PLPPR1: variants seen among roughly 807,000 people sequenced by gnomAD.
PLPPR1 encodes phospholipid phosphatase-related protein type 1.
A neutral mutation model predicts 33.1 loss-of-function variants in PLPPR1; 10 were observed. The ratio of observed to expected loss-of-function variants is 0.30; its 90% CI spans 0.19 to 0.51. The LOEUF (loss-of-function observed/expected upper bound fraction) is 0.51. Ranked by LOEUF, PLPPR1 falls within the 20% of genes least tolerant of loss-of-function variation. The pLI is 0.97. For synonymous variants in PLPPR1, 151 were observed against 151.0 expected (o/e 1.00, Z 0.00); for missense variants, 304 against 408.1 (o/e 0.74, Z 2.20).
intron 1 of PLPPR1, among the ~76,000 whole-genome samples, chr9:101,077,703 A>C (rs948888994): frequency 1.3e-5 from 2 of 152,074 alleles, no homozygotes; most frequent in African/African-American, 2.4e-5. Flanking sequence ...CAAAGTGGGG[A>C]AAGACCTTCA....
chr9:101,306,258 T>G (rs774154868), intron 4 of PLPPR1, among the ~76,000 whole-genome samples: 2 of 152,240 alleles, frequency 1.3e-5, no homozygotes, highest in Non-Finnish European at 2.9e-5. Flanking sequence ...CGATGCCCTT[T>G]GTCCACATTT....
chr9:101,078,827 A>G (rs1022110556), intron 1 of PLPPR1, among the ~76,000 whole-genome samples: 3 of 152,180 alleles, frequency 2.0e-5, no homozygotes, highest in Admixed American at 2.0e-4. Flanking sequence ...AAAAAAAAGT[A>G]TTCTCAGTTT....
At chr9:101,142,974 T>A (rs1247276392) in intron 1 of PLPPR1, among the ~76,000 whole-genome samples, 1 of 152,130 alleles carries the variant, frequency 6.6e-6, no homozygotes, top group African/African-American at 2.4e-5. Flanking sequence ...ATAAATTTAT[T>A]GTGCAACTAG....
intron 2 of PLPPR1, among the ~76,000 whole-genome samples, chr9:101,267,428 G>A (rs1828017839): frequency 6.6e-6 from 1 of 152,122 alleles, no homozygotes. Flanking sequence ...CATAAAGGTT[G>A]GTGATTTACA....
At chr9:101,068,852 T>C (rs1201051567) in intron 1 of PLPPR1, among the ~76,000 whole-genome samples, 1 of 152,118 alleles carries the variant, frequency 6.6e-6, no homozygotes, top group Non-Finnish European at 1.5e-5. Flanking sequence ...GTATATCAAC[T>C]TTGCTTATTA....
At chr9:101,266,236 G>T (rs1049850969) in intron 2 of PLPPR1, among the ~76,000 whole-genome samples, 6 of 151,784 alleles carry the variant, frequency 4.0e-5, no homozygotes, top group Non-Finnish European at 8.8e-5. Flanking sequence ...AGACCAGCCT[G>T]GTCAACATGA....
intron 1 of PLPPR1, among the ~76,000 whole-genome samples, chr9:101,057,528 G>A (rs1180222708): frequency 1.3e-5 from 2 of 151,410 alleles, no homozygotes; most frequent in East Asian, 2.0e-4. Flanking sequence ...ACAAGGTGAT[G>A]GTATATTGTA....
At chr9:101,116,825 T>C (rs1424468626) in intron 1 of PLPPR1, among the ~76,000 whole-genome samples, 1 of 145,530 alleles carries the variant, frequency 6.9e-6, no homozygotes, top group African/African-American at 2.5e-5. Flanking sequence ...AAAAAAAAAG[T>C]AAAAAAAGAA....
At chr9:101,314,279 A>T (rs2118961988) in intron 6 of PLPPR1, among the ~76,000 whole-genome samples, 1 of 152,290 alleles carries the variant, frequency 6.6e-6, no homozygotes, top group East Asian at 1.9e-4. Flanking sequence ...AGGACTTAAC[A>T]CACTTCCTTT....
At chr9:101,193,566 T>C (rs2118732525) in intron 2 of PLPPR1, among the ~76,000 whole-genome samples, 1 of 152,322 alleles carries the variant, frequency 6.6e-6, no homozygotes, top group Admixed American at 6.5e-5. Flanking sequence ...TCTGCACATA[T>C]CTTAAGATAT....
intron 1 of PLPPR1, among the ~76,000 whole-genome samples, chr9:101,091,516 CCTT>C: frequency 6.6e-6 from 1 of 152,234 alleles, no homozygotes; most frequent in East Asian, 1.9e-4. Flanking sequence ...CAGCCTAAGT[CCTT>C]CTTACACTGC....
intron 1 of PLPPR1, among the ~76,000 whole-genome samples, chr9:101,162,896 C>T (rs996585872): frequency 2.0e-5 from 3 of 152,134 alleles, no homozygotes; most frequent in Non-Finnish European, 2.9e-5. Context: ...TTCTCCTTAA[C>T]TTATTATCCA....
intron 1 of PLPPR1, among the ~76,000 whole-genome samples, chr9:101,029,384 G>C (rs182382168): frequency 6.6e-6 from 1 of 152,290 alleles, no homozygotes; most frequent in East Asian, 1.9e-4. Context: ...GGAGACAAAG[G>C]GGGCGTGGAG....
intron 1 of PLPPR1, among the ~76,000 whole-genome samples, chr9:101,143,871 G>A (rs755677413): frequency 2.0e-5 from 3 of 152,224 alleles, no homozygotes; most frequent in Non-Finnish European, 4.4e-5. Flanking sequence ...AGACAGTGTG[G>A]TGATTCCTCA....
At chr9:101,153,935 G>A (rs1427896544) in intron 1 of PLPPR1, among the ~76,000 whole-genome samples, 4 of 152,090 alleles carry the variant, frequency 2.6e-5, no homozygotes, top group Non-Finnish European at 4.4e-5. Context: ...GTTGAATTTT[G>A]TCAAAGGCCT....
At chr9:101,226,136 A>G (rs966660783) in intron 2 of PLPPR1, among the ~76,000 whole-genome samples, 1 of 152,146 alleles carries the variant, frequency 6.6e-6, no homozygotes, top group Non-Finnish European at 1.5e-5. Flanking sequence ...AGCTGCTTGC[A>G]CTATGAACAA....
intron 6 of PLPPR1, among the ~76,000 whole-genome samples, chr9:101,316,432 G>A (rs535619133): frequency 9.9e-5 from 15 of 151,408 alleles, no homozygotes; most frequent in African/African-American, 3.6e-4. Flanking sequence ...GTGAGACTCT[G>A]TCTCAAAAAA....
intron 4 of PLPPR1, among the ~76,000 whole-genome samples, chr9:101,299,842 G>T (rs1430377113): frequency 6.6e-6 from 1 of 152,070 alleles, no homozygotes; most frequent in East Asian, 1.9e-4. Flanking sequence ...ACTGACTTGT[G>T]TGCATTGTAT....
chr9:101,044,481 C>T lies in PLPPR1; in HGVS notation c.-46+15379C>T, dbSNP rs75052539. On this transcript the variant is annotated intron_variant, in intron 1 of 7. Transcript: ENST00000374874. ...CTGTGCAGCTGAGAATTTTCTTAAC[C>T]CCTCTGAGATTTCATTGCTTCATTT... is the stretch of plus-strand genomic sequence containing the variant. Among the ~76,000 whole-genome samples the T allele has an allele frequency of 3.5e-4, 53 of 152,200 alleles. 1 individual carries two copies. Among genetic ancestry groups the T allele is most frequent in the African/African-American group, 1.3e-3 (52 of 41,538 alleles).
Sources: allele counts gnomAD v4.1 joint callset (sites outside exome capture counted in the v4.1 genomes callset), GRCh38; gene constraint gnomAD v4.1.1; transcripts MANE v1.5; gene names NCBI Gene and HGNC (gene_info 2026-07-23, HGNC 2026-07-21).